RGS7: variants seen among roughly 807,000 people sequenced by gnomAD.
RGS7 encodes regulator of G protein signaling 7.
RGS7 carries 27 observed loss-of-function variants against 81.1 expected under a neutral mutation model. The observed-to-expected ratio is 0.33, with a 90% CI of 0.25 to 0.46. RGS7 has a LOEUF of 0.46. Ranked by LOEUF, RGS7 falls within the 20% of genes least tolerant of loss-of-function variation. RGS7 has a pLI of 1.00. For missense variants in RGS7, 396 were observed against 607.4 expected (o/e 0.65, Z 3.66); for synonymous variants, 208 against 207.7 (o/e 1.00, Z -0.01).
At chr1:240,855,719 G>A (rs1660989400) in intron 9 of RGS7, among the ~76,000 whole-genome samples, 1 of 152,004 alleles carries the variant, frequency 6.6e-6, no homozygotes, top group Non-Finnish European at 1.5e-5. Context: ...TTATTGTATA[G>A]CTCTGGACAA....
At chr1:241,219,978 A>G (rs1202560547) in intron 2 of RGS7, among the ~76,000 whole-genome samples, 1 of 152,112 alleles carries the variant, frequency 6.6e-6, no homozygotes, top group African/African-American at 2.4e-5. Context: ...TTCTGTGACA[A>G]TCCATATTGT....
chr1:240,827,470 GCGACAAACC>G (rs1693041321), intron 9 of RGS7, among the ~76,000 whole-genome samples: 1 of 152,198 alleles, frequency 6.6e-6, no homozygotes, highest in Admixed American at 6.5e-5. Context: ...AATACGTATA[GCGACAAACC>G]CGACAGACAG....
At chr1:241,156,983 T>C (rs983751554) in intron 2 of RGS7, among the ~76,000 whole-genome samples, 4 of 152,224 alleles carry the variant, frequency 2.6e-5, no homozygotes, top group African/African-American at 9.6e-5. Flanking sequence ...AACCACAGTC[T>C]GCTTCCTGTA....
chr1:240,936,405 T>C (rs912965178), intron 5 of RGS7, among the ~76,000 whole-genome samples, 195 bp downstream of exon 5: 19 of 152,270 alleles, frequency 1.2e-4, no homozygotes, highest in Admixed American at 6.5e-5. Context: ...CACATCATCT[T>C]GACTAAGCAT....
At chr1:241,035,218 G>A (rs755812324) in intron 3 of RGS7, among the ~76,000 whole-genome samples, 12 of 152,246 alleles carry the variant, frequency 7.9e-5, no homozygotes, top group South Asian at 2.1e-4. Flanking sequence ...TCTGAAGCTC[G>A]AAAATGCTCT....
chr1:240,794,322 A>T (rs545564641), intron 18 of RGS7, among the ~76,000 whole-genome samples: 3 of 152,306 alleles, frequency 2.0e-5, no homozygotes, highest in Admixed American at 2.0e-4. Context: ...GTCTTTTTTA[A>T]CCACAAAGAG....
chr1:240,870,977 T>C (rs997571800), intron 6 of RGS7, among the ~76,000 whole-genome samples: 1 of 152,138 alleles, frequency 6.6e-6, no homozygotes, highest in Admixed American at 6.6e-5. Flanking sequence ...GAGGAGTCGA[T>C]GGCCTGGGCT....
At chr1:240,875,152 C>G (rs1665166854) in intron 6 of RGS7, among the ~76,000 whole-genome samples, 1 of 152,150 alleles carries the variant, frequency 6.6e-6, no homozygotes, top group Admixed American at 6.5e-5. Flanking sequence ...GAACTTAGTC[C>G]TCTAACTGAA....
chr1:241,170,306 CCTTTT>C (rs2070635234), intron 2 of RGS7, among the ~76,000 whole-genome samples: 1 of 152,012 alleles, frequency 6.6e-6, no homozygotes, highest in Non-Finnish European at 1.5e-5. Context: ...CTGCCTACTT[CCTTTT>C]ATTTGTCAAA....
chr1:241,113,335 T>A (rs1016469766), intron 2 of RGS7, among the ~76,000 whole-genome samples: 1 of 152,172 alleles, frequency 6.6e-6, no homozygotes, highest in African/African-American at 2.4e-5. Context: ...ATGGCAGTGA[T>A]GTTGAATTAT....
intron 2 of RGS7, among the ~76,000 whole-genome samples, chr1:241,211,058 A>G (rs1041213584): frequency 6.6e-6 from 1 of 152,062 alleles, no homozygotes; most frequent in Admixed American, 6.6e-5. Context: ...GACGAGAAGG[A>G]TGGATCACCT....
At chr1:240,882,831 C>T (rs765263662) in intron 6 of RGS7, among the ~76,000 whole-genome samples, 1 of 152,086 alleles carries the variant, frequency 6.6e-6, no homozygotes, top group African/African-American at 2.4e-5. Flanking sequence ...TTGTATGTTA[C>T]CCTTACTCTC....
At chr1:241,058,918 C>T (rs1463419869) in intron 3 of RGS7, among the ~76,000 whole-genome samples, 1 of 152,170 alleles carries the variant, frequency 6.6e-6, no homozygotes, top group Non-Finnish European at 1.5e-5. Context: ...CTCTGATTTG[C>T]TCCTCAACTT....
At chr1:240,973,736 C>T (rs1683634271) in intron 4 of RGS7, among the ~76,000 whole-genome samples, 1 of 151,786 alleles carries the variant, frequency 6.6e-6, no homozygotes, top group Non-Finnish European at 1.5e-5. Context: ...ACTACAGGGG[C>T]CCACCACCGC....
intron 6 of RGS7, among the ~76,000 whole-genome samples, chr1:240,884,191 G>A (rs962424138): frequency 2.0e-5 from 3 of 150,612 alleles, no homozygotes; most frequent in Admixed American, 1.3e-4. Context: ...TAACGTGTTA[G>A]ATAAGCTTCA....
chr1:241,254,539 A>G (rs966569601), intron 2 of RGS7, among the ~76,000 whole-genome samples: 11 of 152,110 alleles, frequency 7.2e-5, no homozygotes, highest in African/African-American at 2.7e-4. Flanking sequence ...TTCATCTTCT[A>G]AGGATACTAA....
In RGS7 at chr1:240,812,026, T is replaced by C. The variant is rs1689932834; in HGVS notation, c.974A>G (p.Gln325Arg). The stretch of plus-strand genomic sequence containing the variant: ...GCCAAAACCCCATCGTTTTACCCTC[T>C]GCTGGCTCGGTTCTTTGCTATAGAA... ...ELEASKEPSQ[Q>R]RVKRWGFGMD... Residue 325 changes from glutamine to arginine, a missense_variant, in exon 14 of 19, where the codon CAG (glutamine) becomes CGG (arginine). Transcript: ENST00000440928. 12 of 1,614,186 alleles carry C rather than the reference T, an allele frequency of 7.4e-6. No homozygotes were observed. The East Asian group carries it at 2.7e-4, about 36-fold the overall frequency.
chr1:240,800,722 C>T lies in RGS7; in HGVS notation c.1414-1G>A, dbSNP rs1486408090. The T allele has an allele frequency of 1.3e-6, 2 of 1,537,438 alleles. No individual in the cohort carries two copies. The highest frequency in any genetic ancestry group is 1.8e-6 in the Non-Finnish European group (2 of 1,136,574). ...ATGGGAAAATAGGGATGTTTCTGCC[C>T]TATAAAAATAAATGTGTTGAAGGCT... On this transcript the variant is annotated splice_acceptor_variant, in intron 17 of 18. Transcript: ENST00000440928. LOFTEE classifies it high-confidence loss of function.
chr1:241,321,463 C>T (rs892618379), intron 2 of RGS7, among the ~76,000 whole-genome samples: 2 of 152,116 alleles, frequency 1.3e-5, no homozygotes, highest in East Asian at 1.9e-4. Flanking sequence ...CCACAGATAA[C>T]GAGATTGGGT....
Sources: gnomAD v4.1 joint callset for allele counts (sites outside exome capture counted in the v4.1 genomes callset) on GRCh38, gnomAD v4.1.1 for gene constraint, MANE v1.5 for transcripts, NCBI Gene and HGNC (gene_info 2026-07-23, HGNC 2026-07-21) for gene names.